The following CHODL variants were observed in gnomAD, a reference collection of about 807,000 sequenced individuals.
CHODL encodes transmembrane protein MT75.
Under a neutral mutation model 34.5 loss-of-function variants are expected in CHODL, and 29 were observed. That is an observed-to-expected ratio of 0.84 (90% CI 0.63 to 1.15). CHODL has a LOEUF of 1.15. Ranked by LOEUF, CHODL falls within the 50% of genes most tolerant of loss-of-function variation. CHODL has a pLI of 0.00. For missense variants in CHODL, 332 were observed against 332.5 expected (o/e 1.00, Z 0.01); for synonymous variants, 125 against 116.1 (o/e 1.08, Z -0.49).
At chr21:18,043,390 C>T (rs1251038145) in intron 2 of CHODL, among the ~76,000 whole-genome samples, 2 of 151,958 alleles carry the variant, frequency 1.3e-5, no homozygotes, top group African/African-American at 4.8e-5. Flanking sequence ...GATATATATG[C>T]AGTATGTGAA....
intron 2 of CHODL, among the ~76,000 whole-genome samples, chr21:18,059,411 G>A (rs1028728111): frequency 8.6e-5 from 13 of 152,002 alleles, no homozygotes; most frequent in African/African-American, 2.9e-4. Context: ...CAAATGGGGC[G>A]AAGAGCCTTT....
At chr21:18,237,944 G>A (rs2074044553) in intron 2 of CHODL, among the ~76,000 whole-genome samples, 1 of 152,120 alleles carries the variant, frequency 6.6e-6, no homozygotes, top group Admixed American at 6.6e-5. Context: ...AACAGAATAA[G>A]TGCAATATGT....
chr21:18,116,556 A>G (rs1265224535), intron 2 of CHODL, among the ~76,000 whole-genome samples: 2 of 151,948 alleles, frequency 1.3e-5, no homozygotes, highest in Non-Finnish European at 2.9e-5. Flanking sequence ...TTTTTGTTTG[A>G]GCTTGAAAGG....
chr21:18,060,179 G>T (rs570512174), intron 2 of CHODL, among the ~76,000 whole-genome samples: 4 of 152,158 alleles, frequency 2.6e-5, no homozygotes, highest in East Asian at 1.9e-4. Context: ...AACTAGCCAG[G>T]CATGGTGGCT....
intron 2 of CHODL, among the ~76,000 whole-genome samples, chr21:18,057,274 A>T (rs2146478141): frequency 6.6e-6 from 1 of 152,146 alleles, no homozygotes; most frequent in South Asian, 2.1e-4. Flanking sequence ...TCTCAGGTAT[A>T]TTTAATCTCT....
Position 18,059,956 on chromosome 21 carries a change from C to T in CHODL, c.-45+31985C>T, listed in dbSNP as rs116810396. 7.2e-3 allele frequency among the ~76,000 whole-genome samples: 1,089 copies of T among 152,242 alleles called. 18 individuals carry two copies. The highest frequency in any genetic ancestry group is 0.025 in the African/African-American group (1,035 of 41,550). ...ACACCTCCCTCTTTTCTTCACCCCA[C>T]ATTCCGTTCATTATTCCACTGACCC... On this transcript the variant is annotated intron_variant, in intron 2 of 6. Coordinates refer to the CHODL transcript ENST00000400127.
chr21:18,106,710 T>A (rs2065277850), intron 2 of CHODL, among the ~76,000 whole-genome samples: 1 of 152,076 alleles, frequency 6.6e-6, no homozygotes, highest in South Asian at 2.1e-4. Flanking sequence ...TTAGCCAGGA[T>A]GGTCTCAATC....
chr21:18,212,253 A>G (rs1247821971), intron 2 of CHODL, among the ~76,000 whole-genome samples: 1 of 152,178 alleles, frequency 6.6e-6, no homozygotes, highest in African/African-American at 2.4e-5. Flanking sequence ...ATCATAGTTA[A>G]TAGCAATTTT....
chr21:18,195,126 C>T (rs987732979), intron 2 of CHODL, among the ~76,000 whole-genome samples: 17 of 151,980 alleles, frequency 1.1e-4, no homozygotes, highest in African/African-American at 3.6e-4. Context: ...GTGATCTCCA[C>T]TCACTGCAGG....
At chr21:17,956,446 A>G (rs575817643) in intron 1 of CHODL, among the ~76,000 whole-genome samples, 1 of 136,982 alleles carries the variant, frequency 7.3e-6, no homozygotes, top group African/African-American at 2.5e-5. Flanking sequence ...TAAATTACCT[A>G]GTCTCAGATA....
chr21:17,946,192 C>A (rs934112072), intron 1 of CHODL, among the ~76,000 whole-genome samples: 2 of 152,132 alleles, frequency 1.3e-5, no homozygotes, highest in Non-Finnish European at 2.9e-5. Flanking sequence ...CCAAGGCGGG[C>A]GGATCACGAG....
At chr21:18,109,448 T>C (rs991681195) in intron 2 of CHODL, among the ~76,000 whole-genome samples, 2 of 152,132 alleles carry the variant, frequency 1.3e-5, no homozygotes, top group African/African-American at 2.4e-5. Context: ...TGATGAGCCA[T>C]AGAAACAGTA....
intron 1 of CHODL, among the ~76,000 whole-genome samples, chr21:17,930,789 G>C (rs2063266182): frequency 6.6e-6 from 1 of 152,184 alleles, no homozygotes; most frequent in Non-Finnish European, 1.5e-5. Context: ...CCACCTGCAT[G>C]TACTGTAAGG....
chr21:18,245,158 C>A lies in CHODL; in HGVS notation c.-66C>A. On this transcript the variant is annotated 5_prime_UTR_variant, in exon 1 of 6. Coordinates refer to ENST00000299295, the MANE Select transcript of CHODL (RefSeq NM_024944.3). ...CAGGGAGGCTGCAGAGTCAGAGTCGCGGGCTGCGCCCTGGGCAGAGGCCGC... is the reference window on the plus strand; with the variant it reads ...CAGGGAGGCTGCAGAGTCAGAGTCGAGGGCTGCGCCCTGGGCAGAGGCCGC... 7.4e-7 allele frequency: 1 copy of A among 1,346,244 alleles called. No individual in the cohort carries two copies. Among genetic ancestry groups the A allele is most frequent in the Non-Finnish European group, 9.9e-7 (1 of 1,009,412 alleles). 83.4% of individuals were successfully genotyped at this position (1,346,244 alleles called of 1,614,324 possible).
intron 1 of CHODL, among the ~76,000 whole-genome samples, chr21:18,248,522 T>G (rs556075964): frequency 1.4e-5 from 2 of 146,540 alleles, no homozygotes; most frequent in African/African-American, 2.6e-5. Flanking sequence ...TGGTTTTGTT[T>G]TATAACTCTT....
chr21:18,216,417 C>T (rs1438629520), intron 2 of CHODL, among the ~76,000 whole-genome samples: 1 of 151,984 alleles, frequency 6.6e-6, no homozygotes, highest in Non-Finnish European at 1.5e-5. Context: ...ATTAACAAGC[C>T]TCTCTTCATT....
At position 18,047,792 on chromosome 21, in the gene CHODL, T is replaced by C. The variant is rs375382313; in HGVS notation, c.-45+19821T>C. On this transcript the variant is annotated intron_variant, in intron 2 of 6. Coordinates refer to the CHODL transcript ENST00000400127. ...AGAATGACTTGGGAAAAAGCTACCA[T>C]CTTAGATGTCATACCACCTGCTCTG... Among the ~76,000 whole-genome samples the C allele has an allele frequency of 6.9e-4, 105 of 152,016 alleles. 1 individual carries two copies. The highest frequency in any genetic ancestry group is 2.5e-3 in the African/African-American group (102 of 41,508).
chr21:18,261,423 T>G (rs996026980), intron 4 of CHODL, among the ~76,000 whole-genome samples: 11 of 151,956 alleles, frequency 7.2e-5, no homozygotes, highest in Admixed American at 7.2e-4. Flanking sequence ...CCCAGCACTT[T>G]GGGAGGCTGA....
intron 2 of CHODL, among the ~76,000 whole-genome samples, chr21:18,096,999 G>A (rs189557087): frequency 1.7e-4 from 26 of 152,172 alleles, no homozygotes; most frequent in African/African-American, 3.6e-4. Context: ...AAGAACCCAC[G>A]TTGAAATATT....
Sources: allele counts gnomAD v4.1 joint callset (sites outside exome capture counted in the v4.1 genomes callset), GRCh38; gene constraint gnomAD v4.1.1; transcripts MANE v1.5; gene names NCBI Gene and HGNC (gene_info 2026-07-23, HGNC 2026-07-21).